Variants in SLC9A2 observed in about 807,000 individuals in gnomAD.
SLC9A2 encodes solute carrier family 9 member A2.
Under a neutral mutation model 71.7 loss-of-function variants are expected in SLC9A2, and 42 were observed. That is an observed-to-expected ratio of 0.59 (90% CI 0.46 to 0.76). SLC9A2 has a LOEUF of 0.76. Among genes scored for constraint, SLC9A2 ranks in the 30% least tolerant of loss-of-function variants. The pLI is 0.00. For synonymous variants in SLC9A2, 396 were observed against 392.5 expected (o/e 1.01, Z -0.10); for missense variants, 829 against 1,017.4 (o/e 0.81, Z 2.52).
rs544909857 is a variant in SLC9A2 at position 102,688,970 on chromosome 2, C to T, written c.1425+4634C>T. 1.1e-4 allele frequency among the ~76,000 whole-genome samples: 17 copies of T among 152,262 alleles called. No homozygotes were observed. In the East Asian group the frequency reaches 3.3e-3, roughly 29 times the overall value. ...TCAAGAGATAGCAGCCTCTTTTGCA[C>T]ATTAGTGATGTAACTTAGGTTAAGT... On this transcript the variant is annotated intron_variant, in intron 5 of 11. Transcript: ENST00000233969.
chr2:102,624,172 G>T (rs969857160), intron 1 of SLC9A2, among the ~76,000 whole-genome samples: 1 of 152,152 alleles, frequency 6.6e-6, no homozygotes, highest in Non-Finnish European at 1.5e-5. Context: ...TATGAAGTAG[G>T]TCAAAATATT....
chr2:102,679,570 G>T (rs895197301), intron 3 of SLC9A2, among the ~76,000 whole-genome samples: 1 of 151,820 alleles, frequency 6.6e-6, no homozygotes, highest in Non-Finnish European at 1.5e-5. Flanking sequence ...TTAGTAGACA[G>T]GGTTTCACCA....
At chr2:102,676,692 T>C (rs756286988) in intron 3 of SLC9A2, among the ~76,000 whole-genome samples, 2 of 152,252 alleles carry the variant, frequency 1.3e-5, no homozygotes, top group African/African-American at 2.4e-5. Flanking sequence ...ATTCACTGTA[T>C]AGTACATTCA....
intron 3 of SLC9A2, among the ~76,000 whole-genome samples, chr2:102,673,037 C>G (rs1351463547): frequency 6.6e-6 from 1 of 151,548 alleles, no homozygotes. Flanking sequence ...AAAAAAAAAT[C>G]AAATACACAA....
chr2:102,695,791 A>AATATATAT (rs1677749507), intron 7 of SLC9A2, among the ~76,000 whole-genome samples: 2 of 33,488 alleles, frequency 6.0e-5, no homozygotes, highest in African/African-American at 2.3e-4. Flanking sequence ...TATATATATT[A>AATATATAT]TATATATATT....
intron 1 of SLC9A2, among the ~76,000 whole-genome samples, chr2:102,655,938 T>C (rs756474016): frequency 1.3e-5 from 2 of 152,264 alleles, no homozygotes; most frequent in Non-Finnish European, 2.9e-5. Context: ...GAAGCCTCTG[T>C]TGTGAGGGCC....
intron 1 of SLC9A2, among the ~76,000 whole-genome samples, chr2:102,643,072 G>C (rs1277907681): frequency 2.0e-5 from 3 of 152,178 alleles, no homozygotes; most frequent in Admixed American, 6.5e-5. Flanking sequence ...AGGGTCTGTA[G>C]TGATACAGTT....
chr2:102,628,796 G>C (rs910946919), intron 1 of SLC9A2, among the ~76,000 whole-genome samples: 1 of 151,864 alleles, frequency 6.6e-6, no homozygotes, highest in Non-Finnish European at 1.5e-5. Flanking sequence ...TGATTCTCCC[G>C]CCTAAGCCTC....
chr2:102,671,145 A>T (rs1162176357), intron 3 of SLC9A2, among the ~76,000 whole-genome samples: 1 of 152,210 alleles, frequency 6.6e-6, no homozygotes, highest in East Asian at 1.9e-4. Context: ...GAGCAGGAAG[A>T]GAGTTTACAG....
At position 102,687,278 on chromosome 2, in the gene SLC9A2, C is replaced by G. The variant is rs566630437; in HGVS notation, c.1425+2942C>G. ...CTACCTACCACTGGTTCTTAAGATA[C>G]TCTGAACACACACACGTGCACAAGC... On this transcript the variant is annotated intron_variant, in intron 5 of 11. Coordinates refer to ENST00000233969, the MANE Select transcript of SLC9A2 (RefSeq NM_003048.6). Among the ~76,000 whole-genome samples the G allele has an allele frequency of 7.0e-4, 107 of 152,248 alleles. 1 individual carries two copies. The South Asian group carries it at 7.5e-3, about 11-fold the overall frequency.
chr2:102,620,469 T>A (rs1302621297), intron 1 of SLC9A2, among the ~76,000 whole-genome samples: 1 of 152,150 alleles, frequency 6.6e-6, no homozygotes, highest in Non-Finnish European at 1.5e-5. Context: ...TGTACCAGTC[T>A]CACCTGCAGG....
chr2:102,671,495 C>CT, intron 3 of SLC9A2, among the ~76,000 whole-genome samples: 2 of 152,256 alleles, frequency 1.3e-5, no homozygotes, highest in South Asian at 4.1e-4. Context: ...TTGTGATTAT[C>CT]TTTTCTTTTC....
chr2:102,632,155 C>T (rs200943791), intron 1 of SLC9A2, among the ~76,000 whole-genome samples: 45,424 of 106,124 alleles, frequency 0.43, 9,968 homozygotes, highest in Middle Eastern at 0.68. Flanking sequence ...TACATATATA[C>T]ACATATATAC....
At chr2:102,697,709 A>G (rs556068711) in intron 7 of SLC9A2, among the ~76,000 whole-genome samples, 1 of 147,798 alleles carries the variant, frequency 6.8e-6, no homozygotes, top group South Asian at 2.3e-4. Context: ...TGCTGACACA[A>G]GACTTCTTAA....
rs978631208 is a variant in SLC9A2, at chr2:102,710,828, A to T, written c.*2339A>T. ...AAAGGCTTTCGTTCGTCCAAACAACACTTGATCCAACCAAAGTTCCAATGT... is the reference window on the plus strand; with the variant it reads ...AAAGGCTTTCGTTCGTCCAAACAACTCTTGATCCAACCAAAGTTCCAATGT... On this transcript the variant is annotated 3_prime_UTR_variant, in exon 12 of 12. Coordinates refer to ENST00000233969, the MANE Select transcript of SLC9A2 (RefSeq NM_003048.6). 1 of 152,342 alleles carries T rather than the reference A, an allele frequency of 6.6e-6. No homozygotes were observed. The highest frequency in any genetic ancestry group is 2.4e-5 in the African/African-American group (1 of 41,458). The allele number at this position is 152,342 out of a possible 1,614,324, so 9.4% of individuals were successfully genotyped here. A position where few individuals can be genotyped will look rare whatever the true frequency, so the allele number is the denominator to read the frequency against.
chr2:102,708,909 G>A lies in SLC9A2; in HGVS notation c.*420G>A, dbSNP rs1398532700. The A allele has an allele frequency of 1.8e-5, 3 of 168,966 alleles. No individual in the cohort carries two copies. The highest frequency in any genetic ancestry group is 3.8e-5 in the Non-Finnish European group (3 of 78,552). The allele number at this position is 168,966 out of a possible 1,614,324, so 10.5% of individuals were successfully genotyped here. On this transcript the variant is annotated 3_prime_UTR_variant, in exon 12 of 12. Transcript: ENST00000233969. ...AAGTGAATGGCACTAAAAGTATCGA[G>A]AACAGCTTTCTTTCCCAGGGGTGAA...
chr2:102,620,254 A>G, intron 1 of SLC9A2, 117 bp downstream of exon 1: 2 of 840,554 alleles, frequency 2.4e-6, no homozygotes, highest in Non-Finnish European at 1.8e-6. Flanking sequence ...GAATCAGGGC[A>G]GGGACGACAG....
intron 1 of SLC9A2, among the ~76,000 whole-genome samples, chr2:102,633,802 A>G (rs1330917594): frequency 1.3e-5 from 2 of 152,210 alleles, no homozygotes; most frequent in African/African-American, 4.8e-5. Flanking sequence ...TTCATAGGTT[A>G]AGAGAAGGTT....
At chr2:102,656,077 C>G (rs977750527) in intron 1 of SLC9A2, among the ~76,000 whole-genome samples, 2 of 152,240 alleles carry the variant, frequency 1.3e-5, no homozygotes, top group South Asian at 2.1e-4. Flanking sequence ...GTAGCATTCT[C>G]ATATTCTGCT....
Sources: allele counts gnomAD v4.1 joint callset (sites outside exome capture counted in the v4.1 genomes callset), GRCh38; gene constraint gnomAD v4.1.1; transcripts MANE v1.5; gene names NCBI Gene and HGNC (gene_info 2026-07-23, HGNC 2026-07-21).